Variants in GYG1 observed in about 807,000 individuals in gnomAD.
GYG1 encodes glycogenin 1.
GYG1 carries 44 observed loss-of-function variants against 41.9 expected under a neutral mutation model. That is an observed-to-expected ratio of 1.05 (90% CI 0.83 to 1.35). The LOEUF is 1.35. Among genes scored for constraint, GYG1 ranks in the 40% most tolerant of loss-of-function variants. GYG1 has a pLI of 0.00. For missense variants in GYG1, 429 were observed against 418.9 expected, an observed-to-expected ratio of 1.02 and a Z score of -0.21; for synonymous variants, 141 against 158.1, an observed-to-expected ratio of 0.89 and a Z score of 0.81.
chr3:149,004,160 T>G (rs1024267041), intron 4 of GYG1: 3 of 152,226 alleles, frequency 2.0e-5, no homozygotes, highest in African/African-American at 7.2e-5. Context: ...TCCATTTCCT[T>G]TCTCCCTGTC....
At chr3:149,012,381 G>A (rs1019534308) in intron 5 of GYG1, among the ~76,000 whole-genome samples, 18 of 152,132 alleles carry the variant, frequency 1.2e-4, no homozygotes, top group Admixed American at 4.6e-4. Context: ...GGAGTGGTCT[G>A]GAGCAACTTC....
intron 6 of GYG1, among the ~76,000 whole-genome samples, chr3:149,025,284 A>G (rs913727569): frequency 7.2e-5 from 11 of 152,206 alleles, no homozygotes; most frequent in African/African-American, 2.7e-4. Context: ...AGATTTTCAT[A>G]AGGAGCACAC....
At chr3:149,009,129 AGCTT>A in intron 4 of GYG1, 143 bp from the exon 5 acceptor site, 2 of 617,288 alleles carry the variant, frequency 3.2e-6, no homozygotes, top group Non-Finnish European at 5.6e-6. Context: ...ACTGCACTCC[AGCTT>A]GGGTGACAGA....
At chr3:149,000,636 A>T (rs973154135) in intron 4 of GYG1, among the ~76,000 whole-genome samples, 4 of 152,230 alleles carry the variant, frequency 2.6e-5, no homozygotes, top group African/African-American at 9.6e-5. Context: ...TTAAGTGCTT[A>T]AAAATTGTCT....
At chr3:149,009,470 G>A in intron 5 of GYG1, 68 bp downstream of exon 5, 1 of 1,470,410 alleles carries the variant, frequency 6.8e-7, no homozygotes, top group Non-Finnish European at 9.5e-7. Flanking sequence ...ACAATTTTGG[G>A]GCTGCTTCAT....
chr3:149,026,929 A>C lies in GYG1; in HGVS notation c.1049A>C (p.Gln350Pro), dbSNP rs1714687218. ...AAGAGGAAACTTGACACTTACCTCC[A>C]GTAGAAACACTGCATTTTTCTGTGA... Reference protein sequence around the residue: ...NIKRKLDTYLQ With the variant: ...NIKRKLDTYLP The change falls in exon 8 of 8, where the codon CAG (glutamine) becomes CCG (proline). Residue 350 changes from glutamine to proline, a missense_variant. Physicochemically the swap from Gln to Pro is moderately conservative, Grantham distance 76. Coordinates refer to ENST00000345003, the MANE Select transcript of GYG1 (RefSeq NM_004130.4). 1 of 1,613,870 alleles carries C rather than the reference A, an allele frequency of 6.2e-7. No individual in the cohort carries two copies. The highest frequency in any genetic ancestry group is 8.5e-7 in the Non-Finnish European group (1 of 1,179,708).
rs903396263 is a variant in GYG1, at chr3:149,011,065, G to T, written c.608+1663G>T. Reference sequence around the variant, plus strand: ...TCTTTCCTCCCTAACTGTTCCCTTGGTATATGTCTCCAACATATTACATTC... The same window carrying T: ...TCTTTCCTCCCTAACTGTTCCCTTGTTATATGTCTCCAACATATTACATTC... On this transcript the variant is annotated intron_variant, in intron 5 of 7. Coordinates refer to ENST00000345003, the MANE Select transcript of GYG1 (RefSeq NM_004130.4). Among the ~76,000 whole-genome samples, 9 of 152,194 alleles carry T rather than the reference G, an allele frequency of 5.9e-5. No homozygotes were observed. The East Asian group carries it at 1.7e-3, about 29-fold the overall frequency.
At chr3:149,019,068 TAAAAAAAA>T (rs67695680) in intron 5 of GYG1, among the ~76,000 whole-genome samples, 3 of 119,094 alleles carry the variant, frequency 2.5e-5, no homozygotes, top group Admixed American at 1.8e-4. Flanking sequence ...GACACTGTCT[TAAAAAAAA>T]AAAAAAAAAA....
At chr3:149,004,791 G>T (rs906387384) in intron 4 of GYG1, among the ~76,000 whole-genome samples, 1 of 152,192 alleles carries the variant, frequency 6.6e-6, no homozygotes, top group Non-Finnish European at 1.5e-5. Context: ...CTGCTTCAGT[G>T]CCTTTTCTCT....
chr3:149,020,165 GAA>G lies in GYG1; in HGVS notation c.609-3885_609-3884del, dbSNP rs1486371814. Among the ~76,000 whole-genome samples the G allele has an allele frequency of 2.0e-5, 3 of 152,248 alleles. No homozygotes were observed. The East Asian group carries it at 5.8e-4, about 29-fold the overall frequency. On this transcript the variant is annotated intron_variant, in intron 5 of 7. Transcript: ENST00000345003. ...CCTCTGTTGCAAACTGCATCCTTCTGAAAAGTCTTTCTTCAGTCTTCTTGAAT... is the reference window on the plus strand; with the variant it reads ...CCTCTGTTGCAAACTGCATCCTTCTGAAGTCTTTCTTCAGTCTTCTTGAAT...
chr3:149,016,503 G>A (rs1714054547), intron 5 of GYG1, among the ~76,000 whole-genome samples: 1 of 152,126 alleles, frequency 6.6e-6, no homozygotes, highest in Non-Finnish European at 1.5e-5. Context: ...AGAGAGGCCA[G>A]CCTAGAAGAT....
At chr3:148,998,511 GCT>G (rs1294575245) in intron 4 of GYG1, among the ~76,000 whole-genome samples, 1 of 152,196 alleles carries the variant, frequency 6.6e-6, no homozygotes, top group Non-Finnish European at 1.5e-5. Context: ...GCGAAACTCT[GCT>G]CTCTACATGC....
In GYG1 at chr3:149,026,372, C is replaced by T. The variant is rs1030150259; in HGVS notation, c.829-80C>T. On this transcript the variant is annotated intron_variant, in intron 6 of 7. Coordinates refer to ENST00000345003, the MANE Select transcript of GYG1 (RefSeq NM_004130.4). ...TGTTTAAGTTCTCAACCTTTCAGAGCCCACACAGATTGAGAATTTATCTTG... is the reference window on the plus strand; with the variant it reads ...TGTTTAAGTTCTCAACCTTTCAGAGTCCACACAGATTGAGAATTTATCTTG... The T allele has an allele frequency of 4.9e-5, 43 of 881,154 alleles. 1 individual carries two copies. In the Admixed American group the frequency reaches 7.3e-4, roughly 15 times the overall value. The allele number at this position is 881,154 out of a possible 1,614,324, so 54.6% of individuals were successfully genotyped here.
rs376548302 is a variant in GYG1 at position 149,031,539 on chromosome 3, T to C, written c.*4606T>C. 38 of 152,700 alleles carry C rather than the reference T, an allele frequency of 2.5e-4. 1 individual carries two copies. The highest frequency in any genetic ancestry group is 9.1e-4 in the African/African-American group (38 of 41,568). The allele number at this position is 152,700 out of a possible 1,614,324, so 9.5% of individuals were successfully genotyped here. ...ATATTTATACCTCAGACACAGCAAG[T>C]TACATTTAAACAATGAGTGTAGTAC... On this transcript the variant is annotated 3_prime_UTR_variant, in exon 8 of 8. Transcript: ENST00000345003.
rs1314220134 is a variant in GYG1 at position 149,024,069 on chromosome 3, A to G, written c.625A>G (p.Lys209Glu). 3 of 1,614,106 alleles carry G rather than the reference A, an allele frequency of 1.9e-6. No individual in the cohort carries two copies. The highest frequency in any genetic ancestry group is 1.6e-4 in the Middle Eastern group (1 of 6,062). Residue 209 changes from lysine (K) to glutamate (E), a missense_variant, in exon 6 of 8, where the codon AAA (lysine) becomes GAA (glutamate). By Grantham distance (56) the Lys-to-Glu change is moderately conservative. Coordinates refer to ENST00000345003, the MANE Select transcript of GYG1 (RefSeq NM_004130.4). ...PAFKVFGASA[K>E]VVHFLGRVKP... ...ACTTGGCAGGTTTGGTGCAAGTGCC[A>G]AAGTTGTGCATTTCCTGGGACGAGT...
At chr3:149,006,066 C>A (rs560851736) in intron 4 of GYG1, among the ~76,000 whole-genome samples, 1 of 151,076 alleles carries the variant, frequency 6.6e-6, no homozygotes, top group Admixed American at 6.6e-5. Context: ...ATCACAAGGA[C>A]CCTTCATCAT....
At chr3:149,009,424 ATTG>A in intron 5 of GYG1, 22 bp downstream of exon 5, 2 of 1,612,040 alleles carry the variant, frequency 1.2e-6, no homozygotes, top group East Asian at 4.5e-5. Context: ...TGGTTTAACT[ATTG>A]TTGGAGATGT....
At position 149,009,337 on chromosome 3, in the gene GYG1, A is replaced by G. The variant is rs1235749931; in HGVS notation, c.543A>G (p.Lys181=). 1 of 1,612,848 alleles carries G rather than the reference A, an allele frequency of 6.2e-7. No homozygotes were observed. Among genetic ancestry groups the G allele is most frequent in the Non-Finnish European group, 8.5e-7 (1 of 1,178,962 alleles). ...GCTGGGCAACAACAGATATCAGAAA[A>G]CACCTGCCGTTTATTTATAACCTAA... ...FSSWATTDIR[K]HLPFIYNLSS... Residue 181 remains lysine, a synonymous_variant, in exon 5 of 8, where the codon AAA becomes AAG. Coordinates refer to ENST00000345003, the MANE Select transcript of GYG1 (RefSeq NM_004130.4).
chr3:149,007,673 T>C lies in GYG1; in HGVS notation c.482-1603T>C, dbSNP rs527932415. Among the ~76,000 whole-genome samples the C allele has an allele frequency of 2.6e-5, 4 of 152,368 alleles. No individual in the cohort carries two copies. The East Asian group carries it at 7.7e-4, about 29-fold the overall frequency. ...AAATTGAATAGTAACGACAGCCGAC[T>C]GGACTTGCTGTATGTTGAGAAACGA... On this transcript the variant is annotated intron_variant, in intron 4 of 7. Coordinates refer to ENST00000345003, the MANE Select transcript of GYG1 (RefSeq NM_004130.4).
Sources: gnomAD v4.1 joint callset for allele counts (sites outside exome capture counted in the v4.1 genomes callset) on GRCh38, gnomAD v4.1.1 for gene constraint, MANE v1.5 for transcripts, NCBI Gene and HGNC (gene_info 2026-07-23, HGNC 2026-07-21) for gene names.